The following CDKAL1 variants were observed in gnomAD, a reference collection of about 807,000 sequenced individuals.
CDKAL1 encodes the protein threonylcarbamoyladenosine tRNA methylthiotransferase.
In CDKAL1, 32 loss-of-function variants were observed where a neutral mutation model predicts 68.2. The observed-to-expected ratio is 0.47, with a 90% confidence interval of 0.35 to 0.63. CDKAL1 has a LOEUF of 0.63. Ranked by LOEUF, CDKAL1 falls within the 30% of genes least tolerant of loss-of-function variation. The pLI is 0.00. For missense variants in CDKAL1, 606 were observed against 696.7 expected (o/e 0.87, Z 1.47); for synonymous variants, 234 against 244.3 (o/e 0.96, Z 0.39).
At chr6:20,841,368 A>T (rs935575032) in intron 8 of CDKAL1, among the ~76,000 whole-genome samples, 7 of 152,170 alleles carry the variant, frequency 4.6e-5, no homozygotes, top group Admixed American at 1.3e-4. Flanking sequence ...AGTATGAGTG[A>T]CTTTTTAAGA....
At chr6:20,925,722 C>T (rs779191425) in intron 9 of CDKAL1, among the ~76,000 whole-genome samples, 5 of 152,056 alleles carry the variant, frequency 3.3e-5, no homozygotes, top group Admixed American at 6.6e-5. Context: ...ATAGACTTAC[C>T]GATAAATGAT....
At chr6:20,842,381 T>C (rs9465919) in intron 8 of CDKAL1, among the ~76,000 whole-genome samples, 146,003 of 152,276 alleles carry the variant, frequency 0.96, 70,009 homozygotes, top group East Asian at 1. Flanking sequence ...ATATATACAC[T>C]TACTATGTAC....
chr6:20,790,824 G>T (rs1482089654), intron 8 of CDKAL1, among the ~76,000 whole-genome samples: 1 of 152,180 alleles, frequency 6.6e-6, no homozygotes, highest in Non-Finnish European at 1.5e-5. Context: ...CTGTGTGTCT[G>T]GGTCTGGGGC....
intron 13 of CDKAL1, among the ~76,000 whole-genome samples, chr6:21,160,136 C>T (rs1262750409): frequency 6.6e-6 from 1 of 152,092 alleles, no homozygotes; most frequent in African/African-American, 2.4e-5. Context: ...TATTCGTGGT[C>T]CACATTGCAG....
At chr6:20,786,452 C>T (rs944649574) in intron 8 of CDKAL1, among the ~76,000 whole-genome samples, 3 of 149,512 alleles carry the variant, frequency 2.0e-5, no homozygotes, top group Admixed American at 6.7e-5. Context: ...AAGCTGTTTT[C>T]GTCAGGTCTC....
At chr6:20,598,012 CTT>C (rs947882029) in intron 4 of CDKAL1, among the ~76,000 whole-genome samples, 7 of 152,172 alleles carry the variant, frequency 4.6e-5, no homozygotes, top group African/African-American at 1.7e-4. Context: ...TTTTCTCTCT[CTT>C]TTATCTCCTG....
intron 6 of CDKAL1, among the ~76,000 whole-genome samples, chr6:20,754,975 C>G (rs112992533): frequency 1.3e-5 from 2 of 152,288 alleles, no homozygotes; most frequent in East Asian, 3.9e-4. Flanking sequence ...TCTGCATGTT[C>G]TGACTTTTCT....
rs373491559 is a variant in CDKAL1, at chr6:20,862,662, T to TGC, written c.742+16490_742+16491dup. 1.3e-3 allele frequency among the ~76,000 whole-genome samples: 180 copies of TGC among 133,874 alleles called. 2 individuals are homozygous for TGC. Among genetic ancestry groups the TGC allele is most frequent in the African/African-American group, 3.1e-3 (118 of 38,396 alleles). The allele number at this position is 133,874 out of a possible 152,430, so 87.8% of individuals were successfully genotyped here. A position where few individuals can be genotyped will look rare whatever the true frequency, so the allele number is the denominator to read the frequency against. The stretch of plus-strand genomic sequence containing the variant: ...GTGTGTGTGTGTGTGTGTGTGTGTG[T>TGC]GCGCGCGTGCATGCGCGCGTGCGCA... On this transcript the variant is annotated intron_variant, in intron 9 of 15. Coordinates refer to ENST00000274695, the MANE Select transcript of CDKAL1 (RefSeq NM_017774.3).
At chr6:20,541,855 T>A (rs970626320) in intron 2 of CDKAL1, among the ~76,000 whole-genome samples, 3 of 152,200 alleles carry the variant, frequency 2.0e-5, no homozygotes, top group African/African-American at 7.2e-5. Flanking sequence ...AGACAGGGTT[T>A]CTCTATGTTG....
chr6:20,592,591 C>T (rs748949258), intron 4 of CDKAL1, among the ~76,000 whole-genome samples: 1 of 152,056 alleles, frequency 6.6e-6, no homozygotes, highest in Non-Finnish European at 1.5e-5. Context: ...GCCTCAGCCT[C>T]CCACGTGGCT....
At chr6:20,943,102 G>T (rs1167107435) in intron 9 of CDKAL1, among the ~76,000 whole-genome samples, 1 of 150,472 alleles carries the variant, frequency 6.6e-6, no homozygotes, top group East Asian at 1.9e-4. Flanking sequence ...TTCTTTATTA[G>T]TCTTTGGAGT....
At chr6:20,683,317 A>G (rs1290145929) in intron 5 of CDKAL1, among the ~76,000 whole-genome samples, 5 of 152,210 alleles carry the variant, frequency 3.3e-5, no homozygotes, top group Non-Finnish European at 7.3e-5. Context: ...TATTCAGAAG[A>G]TGTTAAAAAG....
At chr6:21,173,506 G>A (rs1253976462) in intron 13 of CDKAL1, among the ~76,000 whole-genome samples, 1 of 152,164 alleles carries the variant, frequency 6.6e-6, no homozygotes, top group Admixed American at 6.5e-5. Flanking sequence ...AGGGAGAAAT[G>A]AACATGCATT....
At chr6:20,759,362 C>T (rs188692438) in intron 7 of CDKAL1, among the ~76,000 whole-genome samples, 279 of 151,844 alleles carry the variant, frequency 1.8e-3, no homozygotes, top group Admixed American at 2.9e-3. Context: ...GGCAACATGG[C>T]GAAACCTCAT....
intron 4 of CDKAL1, among the ~76,000 whole-genome samples, chr6:20,645,590 G>A (rs1032529005): frequency 6.6e-6 from 1 of 151,862 alleles, no homozygotes; most frequent in African/African-American, 2.4e-5. Flanking sequence ...AGTTAGCCAG[G>A]TGTGGTGGCA....
At chr6:20,589,546 A>T (rs1014360166) in intron 4 of CDKAL1, among the ~76,000 whole-genome samples, 4 of 152,212 alleles carry the variant, frequency 2.6e-5, no homozygotes, top group African/African-American at 9.7e-5. Flanking sequence ...ATTCTCAGGG[A>T]ACGTTCCAGG....
intron 4 of CDKAL1, among the ~76,000 whole-genome samples, chr6:20,552,523 A>T (rs1287730519): frequency 6.6e-6 from 1 of 152,210 alleles, no homozygotes; most frequent in African/African-American, 2.4e-5. Context: ...GTATGTTTAT[A>T]CAAGAATATT....
chr6:20,573,084 A>G (rs1764768965), intron 4 of CDKAL1, among the ~76,000 whole-genome samples: 1 of 152,146 alleles, frequency 6.6e-6, no homozygotes, highest in South Asian at 2.1e-4. Context: ...TTCTAATATG[A>G]TGACATTTAG....
chr6:20,842,276 A>T (rs968667691), intron 8 of CDKAL1, among the ~76,000 whole-genome samples: 51 of 152,248 alleles, frequency 3.3e-4, no homozygotes, highest in Admixed American at 1.8e-3. Context: ...ATTATAACAA[A>T]TCTCTTCTTT....
Sources: gnomAD v4.1 joint callset for allele counts (sites outside exome capture counted in the v4.1 genomes callset) on GRCh38, gnomAD v4.1.1 for gene constraint, MANE v1.5 for transcripts, NCBI Gene and HGNC (gene_info 2026-07-23, HGNC 2026-07-21) for gene names.